TRAM1: variants seen among roughly 807,000 people sequenced by gnomAD.
The protein encoded by TRAM1 is translocating chain-associated membrane protein 1.
Under a neutral mutation model 48.7 loss-of-function variants are expected in TRAM1, and 17 were observed. The ratio of observed to expected loss-of-function variants is 0.35; its 90% confidence interval spans 0.24 to 0.52. The LOEUF (loss-of-function observed/expected upper bound fraction) is 0.52, where lower values mean the gene tolerates loss of function less well. Among genes scored for constraint, TRAM1 ranks in the 20% least tolerant of loss-of-function variants. TRAM1 has a pLI of 0.94. For missense variants in TRAM1, 351 were observed against 441.5 expected, an observed-to-expected ratio of 0.79 and a Z score of 1.84; for synonymous variants, 182 against 154.0, an observed-to-expected ratio of 1.18 and a Z score of -1.34.
rs757336863 is a variant in TRAM1, at chr8:70,599,974, C to T, written c.187+45G>A. Reference sequence around the variant, plus strand: ...CATGAAAATTTCCAAGTTTGTTCAACTGAACTTCTATTTACGTAGAAAATT... The same window carrying T: ...CATGAAAATTTCCAAGTTTGTTCAATTGAACTTCTATTTACGTAGAAAATT... On this transcript the variant is annotated intron_variant, in intron 2 of 10. Transcript: ENST00000262213. The T allele has an allele frequency of 2.0e-6, 3 of 1,531,642 alleles. No homozygotes were observed. In the South Asian group the frequency reaches 3.4e-5, roughly 17 times the overall value. The allele number at this position is 1,531,642 out of a possible 1,614,324, so 94.9% of individuals were successfully genotyped here.
chr8:70,594,321 T>TC (rs1399150906), intron 6 of TRAM1, among the ~76,000 whole-genome samples, 185 bp downstream of exon 6: 1 of 151,242 alleles, frequency 6.6e-6, no homozygotes, highest in Non-Finnish European at 1.5e-5. Context: ...TTTTTTTTTT[T>TC]TTCAAGAAAT....
rs1817114716 is a variant in TRAM1 at position 70,583,067 on chromosome 8, T to C, written c.1051+97A>G. 13 of 1,347,892 alleles carry C rather than the reference T, an allele frequency of 9.6e-6. No individual in the cohort carries two copies. In the Admixed American group the frequency reaches 2.9e-4, roughly 30 times the overall value. 83.5% of individuals were successfully genotyped at this position (1,347,892 alleles called of 1,614,324 possible). On this transcript the variant is annotated intron_variant, in intron 10 of 10. Coordinates refer to ENST00000262213, the MANE Select transcript of TRAM1 (RefSeq NM_014294.6). ...GTTGAAAAGCAGAATAGTATTTTCT[T>C]TATAAGACACCTTAAAACTAATAAA...
intron 10 of TRAM1, among the ~76,000 whole-genome samples, chr8:70,577,113 T>C (rs939373166): frequency 6.6e-6 from 1 of 152,142 alleles, no homozygotes; most frequent in Admixed American, 6.5e-5. Flanking sequence ...AGGTCCAAAG[T>C]TCCCAAGGCA....
chr8:70,574,198 C>G lies in TRAM1; in HGVS notation c.*734G>C, dbSNP rs1293923391. On this transcript the variant is annotated 3_prime_UTR_variant, in exon 11 of 11. Coordinates refer to ENST00000262213, the MANE Select transcript of TRAM1 (RefSeq NM_014294.6). Reference sequence around the variant, plus strand: ...AAAAAGGGCTATATGTCAGATTTTCCTGTTCATAGTAAATATTTTCTGATT... The same window carrying G: ...AAAAAGGGCTATATGTCAGATTTTCGTGTTCATAGTAAATATTTTCTGATT... The G allele has an allele frequency of 2.5e-6, 1 of 404,442 alleles. No individual in the cohort carries two copies. The highest frequency in any genetic ancestry group is 4.7e-6 in the Non-Finnish European group (1 of 211,066). The allele number at this position is 404,442 out of a possible 1,614,324, so 25.1% of individuals were successfully genotyped here.
chr8:70,592,147 T>C (rs886192392), intron 6 of TRAM1, among the ~76,000 whole-genome samples: 3 of 152,230 alleles, frequency 2.0e-5, no homozygotes, highest in African/African-American at 4.8e-5. Context: ...TAAAAGCTCA[T>C]ATATTCAAGC....
intron 4 of TRAM1, among the ~76,000 whole-genome samples, chr8:70,597,043 G>A (rs1467432853): frequency 6.6e-6 from 1 of 152,088 alleles, no homozygotes; most frequent in East Asian, 1.9e-4. Context: ...AACATGAAGT[G>A]CTTTACCCTG....
At chr8:70,605,066 A>G (rs563239693) in intron 1 of TRAM1, among the ~76,000 whole-genome samples, 2 of 152,350 alleles carry the variant, frequency 1.3e-5, no homozygotes, top group Admixed American at 1.3e-4. Flanking sequence ...CATTACTGCC[A>G]AACAGACTAC....
chr8:70,577,036 C>T (rs571355872), intron 10 of TRAM1, among the ~76,000 whole-genome samples: 2 of 152,338 alleles, frequency 1.3e-5, no homozygotes, highest in East Asian at 3.9e-4. Context: ...TCATCCACAA[C>T]GTGGCGAGCA....
At position 70,587,179 on chromosome 8, in the gene TRAM1, G is replaced by A. The variant is rs1817241926; in HGVS notation, c.571-3C>T. Reference sequence around the variant, plus strand: ...ACAAGCTGACGAGGAATATCTTCCTGTAAAAAAATACATTATAGATTAAAA... The same window carrying A: ...ACAAGCTGACGAGGAATATCTTCCTATAAAAAAATACATTATAGATTAAAA... On this transcript the variant is annotated splice_region_variant and splice_polypyrimidine_tract_variant and intron_variant, in intron 6 of 10. Transcript: ENST00000262213. The A allele has an allele frequency of 6.2e-7, 1 of 1,612,194 alleles. No individual in the cohort carries two copies. Among genetic ancestry groups the A allele is most frequent in the Non-Finnish European group, 8.5e-7 (1 of 1,178,564 alleles).
At position 70,608,317 on chromosome 8, in the gene TRAM1, G is replaced by A; in HGVS notation, c.-118C>T. 2 of 1,356,118 alleles carry A rather than the reference G, an allele frequency of 1.5e-6. No homozygotes were observed. Among genetic ancestry groups the A allele is most frequent in the Non-Finnish European group, 9.7e-7 (1 of 1,033,178 alleles). 84.0% of individuals were successfully genotyped at this position (1,356,118 alleles called of 1,614,324 possible). A position where few individuals can be genotyped will look rare whatever the true frequency, so the allele number is the denominator to read the frequency against. The stretch of plus-strand genomic sequence containing the variant: ...CCTCACGGCCCCGCTGCAGCCGCTC[G>A]CTGGGGCTTCACTTCCCATCCCACA... On this transcript the variant is annotated 5_prime_UTR_variant, in exon 1 of 11. Coordinates refer to ENST00000262213, the MANE Select transcript of TRAM1 (RefSeq NM_014294.6).
intron 6 of TRAM1, among the ~76,000 whole-genome samples, chr8:70,592,034 CT>C (rs1475458262): frequency 2.0e-5 from 3 of 152,026 alleles, no homozygotes; most frequent in Non-Finnish European, 4.4e-5. Flanking sequence ...ATTTCTAATA[CT>C]TTATATGATA....
chr8:70,577,241 C>A (rs1372207894), intron 10 of TRAM1, among the ~76,000 whole-genome samples: 5 of 152,132 alleles, frequency 3.3e-5, no homozygotes, highest in Admixed American at 3.3e-4. Flanking sequence ...CATGACCAGC[C>A]TAGGCACCAC....
chr8:70,594,660 T>A (rs1447892352), intron 5 of TRAM1, 70 bp from the exon 6 acceptor site: 3 of 1,262,972 alleles, frequency 2.4e-6, no homozygotes, highest in Non-Finnish European at 3.3e-6. Context: ...AAACAAATAC[T>A]GGAAATCAGG....
In TRAM1 at chr8:70,574,313, A is replaced by G. The variant is rs1165008527; in HGVS notation, c.*619T>C. Reference sequence around the variant, plus strand: ...ACTTTGATTTAATATGTATGTTAGTAAAACTCCACGTGTTGTAACGATTAT... The same window carrying G: ...ACTTTGATTTAATATGTATGTTAGTGAAACTCCACGTGTTGTAACGATTAT... On this transcript the variant is annotated 3_prime_UTR_variant, in exon 11 of 11. Transcript: ENST00000262213. The G allele has an allele frequency of 1.1e-5, 4 of 369,794 alleles. No homozygotes were observed. Among genetic ancestry groups the G allele is most frequent in the South Asian group, 2.0e-5 (1 of 49,308 alleles). 22.9% of individuals were successfully genotyped at this position (369,794 alleles called of 1,614,324 possible).
chr8:70,596,938 A>G (rs1817500839), intron 4 of TRAM1, among the ~76,000 whole-genome samples: 1 of 152,082 alleles, frequency 6.6e-6, no homozygotes, highest in Non-Finnish European at 1.5e-5. Context: ...TAGTTTTTAA[A>G]CTAAAATTTA....
Position 70,583,716 on chromosome 8 carries a change from C to G in TRAM1, c.824G>C (p.Gly275Ala), listed in dbSNP as rs139574761. Residue 275 changes from glycine (G) to alanine (A), a missense_variant, in exon 9 of 11, where the codon GGC becomes GCC. By Grantham distance (60) the Gly-to-Ala change is moderately conservative (BLOSUM62 0). Coordinates refer to ENST00000262213, the MANE Select transcript of TRAM1 (RefSeq NM_014294.6). The stretch of plus-strand genomic sequence containing the variant: ...CTTCTGATTTTCTGCTCTTGCAAGG[C>G]CAAAACCAACAGTCAGTACTGAAAG... ...LILSVLTVGF[G>A]LARAENQKLD... 5 of 1,612,738 alleles carry G rather than the reference C, an allele frequency of 3.1e-6. No homozygotes were observed. In the African/African-American group the frequency reaches 6.7e-5, roughly 22 times the overall value.
intron 6 of TRAM1, among the ~76,000 whole-genome samples, chr8:70,593,356 C>T (rs1161826452): frequency 6.6e-6 from 1 of 150,946 alleles, no homozygotes; most frequent in East Asian, 1.9e-4. Context: ...AACTAGTCAC[C>T]AGACTGGCTG....
chr8:70,578,105 G>A (rs1394457110), intron 10 of TRAM1, among the ~76,000 whole-genome samples: 1 of 152,206 alleles, frequency 6.6e-6, no homozygotes, highest in Non-Finnish European at 1.5e-5. Context: ...GGCCAAGTGG[G>A]TGGAATGAGC....
chr8:70,584,965 T>C (rs1817177923), intron 8 of TRAM1, among the ~76,000 whole-genome samples: 1 of 152,170 alleles, frequency 6.6e-6, no homozygotes, highest in Admixed American at 6.5e-5. Context: ...AGAGCTCGCA[T>C]CACCAAGTCA....
Sources: gnomAD v4.1 joint callset for allele counts (sites outside exome capture counted in the v4.1 genomes callset) on GRCh38, gnomAD v4.1.1 for gene constraint, MANE v1.5 for transcripts, NCBI Gene and HGNC (gene_info 2026-07-23, HGNC 2026-07-21) for gene names.